The following KIF27 variants were observed in gnomAD, a reference collection of about 807,000 sequenced individuals.
KIF27 encodes the protein kinesin family member 27, also known as kinesin-like protein KIF27.
Under a neutral mutation model 141.8 loss-of-function variants are expected in KIF27, and 84 were observed. The ratio of observed to expected loss-of-function variants is 0.59; its 90% CI spans 0.50 to 0.71. The LOEUF (loss-of-function observed/expected upper bound fraction) is 0.71, where lower values mean the gene tolerates loss of function less well. Among genes scored for constraint, KIF27 ranks in the 30% least tolerant of loss-of-function variants. The pLI is 0.00. For missense variants in KIF27, 1,306 were observed against 1,628.4 expected, an observed-to-expected ratio of 0.80 and a Z score of 3.41; for synonymous variants, 471 against 569.5, an observed-to-expected ratio of 0.83 and a Z score of 2.46.
intron 2 of KIF27, among the ~76,000 whole-genome samples, chr9:83,912,025 A>G (rs1955218185): frequency 6.6e-6 from 1 of 152,214 alleles, no homozygotes; most frequent in South Asian, 2.1e-4. Context: ...TACACTTGAA[A>G]GTAGTTAAAA....
intron 11 of KIF27, among the ~76,000 whole-genome samples, chr9:83,874,001 G>A (rs1305287522): frequency 4.0e-5 from 6 of 151,294 alleles, no homozygotes; most frequent in African/African-American, 9.7e-5. Flanking sequence ...GCAGTGAGAC[G>A]AGATCACACC....
In KIF27 at chr9:83,835,819, G is replaced by GT. The variant is rs903701311; in HGVS notation, c.*1181dup. On this transcript the variant is annotated 3_prime_UTR_variant, in exon 18 of 18. Coordinates refer to ENST00000297814, the MANE Select transcript of KIF27 (RefSeq NM_017576.4). ...ACAGCCCCCAACAAAACATTAATTA[G>GT]TTTAAGAAACTCAACTTCGGTTTAC... The GT allele has an allele frequency of 6.6e-6, 1 of 152,202 alleles. No homozygotes were observed. The highest frequency in any genetic ancestry group is 2.4e-5 in the African/African-American group (1 of 41,440). The allele number at this position is 152,202 out of a possible 1,614,324, so 9.4% of individuals were successfully genotyped here. A position where few individuals can be genotyped will look rare whatever the true frequency, so the allele number is the denominator to read the frequency against.
Position 83,837,061 on chromosome 9 carries a change from A to G in KIF27, c.4146T>C (p.Ile1382=). ...SLRRSSLGVG[I]GSMAADSIEV... ...CGATGGAATCAGCAGCCATTGATCC[A>G]ATGCCAACTCCAAGACTGGAACGTC... Residue 1382 remains isoleucine, a synonymous_variant, in exon 18 of 18, where the codon ATT becomes ATC. Transcript: ENST00000297814. 6.2e-7 allele frequency: 1 copy of G among 1,613,996 alleles called. No individual in the cohort carries two copies. Among genetic ancestry groups the G allele is most frequent in the Non-Finnish European group, 8.5e-7 (1 of 1,179,870 alleles).
intron 14 of KIF27, among the ~76,000 whole-genome samples, chr9:83,856,189 G>A (rs1949179590): frequency 6.6e-6 from 1 of 152,150 alleles, no homozygotes; most frequent in Admixed American, 6.5e-5. Flanking sequence ...CTTGGGGCCT[G>A]AGGATCTGCA....
intron 13 of KIF27, among the ~76,000 whole-genome samples, chr9:83,864,025 C>A (rs1327818068): frequency 6.6e-6 from 1 of 151,830 alleles, no homozygotes; most frequent in Non-Finnish European, 1.5e-5. Context: ...TGGTGATATC[C>A]CCTTTATCAT....
chr9:83,900,116 A>G (rs924600782), intron 4 of KIF27, among the ~76,000 whole-genome samples: 1 of 152,206 alleles, frequency 6.6e-6, no homozygotes, highest in African/African-American at 2.4e-5. Flanking sequence ...TAGAACTGCT[A>G]TGAGATTTTA....
In KIF27 at chr9:83,903,869, G is replaced by C; in HGVS notation, c.649C>G (p.Gln217Glu). The C allele has an allele frequency of 1.9e-6, 3 of 1,614,070 alleles. No homozygotes were observed. Among genetic ancestry groups the C allele is most frequent in the Non-Finnish European group, 2.5e-6 (3 of 1,180,008 alleles). ...SHAIFTISIC[Q>E]VHKNMEAAED... ...GCTGCCTCCATATTTTTATGAACTT[G>C]ACAAATGCTGATTGTAAAAATTGCA... Residue 217 changes from glutamine to glutamate, a missense_variant, in exon 4 of 18, where the codon CAA becomes GAA. Physicochemically the swap from Gln to Glu is conservative, Grantham distance 29 (BLOSUM62 2). Transcript: ENST00000297814.
intron 14 of KIF27, among the ~76,000 whole-genome samples, chr9:83,857,535 T>C (rs781400920): frequency 2.8e-4 from 43 of 152,228 alleles, no homozygotes; most frequent in Non-Finnish European, 5.1e-4. Context: ...ATAGGTATCA[T>C]GCGCCATACT....
In KIF27 at chr9:83,883,819, T is replaced by C. The variant is rs1160891774; in HGVS notation, c.2439A>G (p.Arg813=). ...ATTACATTTTTTAAATTACCTGAAC[T>C]CTCAGCTTTGCAGCATCCATCTTTT... ...FRKKMDAAKL[R]VQVLQKKQQD... The change falls in exon 10 of 18, where the codon AGA becomes AGG. Residue 813 remains arginine (R), a synonymous_variant. Transcript: ENST00000297814. The C allele has an allele frequency of 6.2e-7, 1 of 1,606,704 alleles. No individual in the cohort carries two copies. The highest frequency in any genetic ancestry group is 1.3e-5 in the African/African-American group (1 of 74,886).
intron 1 of KIF27, among the ~76,000 whole-genome samples, chr9:83,921,158 C>A (rs569500306): frequency 2.6e-4 from 39 of 152,182 alleles, no homozygotes; most frequent in Middle Eastern, 3.4e-3. Context: ...CGACCCCAGA[C>A]CCCTCGGACG....
At position 83,887,103 on chromosome 9, in the gene KIF27, A is replaced by G. The variant is rs1247329101; in HGVS notation, c.2177T>C (p.Met726Thr). ...ERILTEAKQK[M>T]RELTINIKMK... ...CTTGATGTTAATTGTAAGTTCTCTC[A>G]TTTTTTGTTTAGCTTCAGTAAGTAT... The change falls in exon 9 of 18, where the codon ATG (methionine) becomes ACG (threonine). Residue 726 changes from methionine to threonine, a missense_variant. Coordinates refer to ENST00000297814, the MANE Select transcript of KIF27 (RefSeq NM_017576.4). 1.2e-6 allele frequency: 2 copies of G among 1,601,504 alleles called. No individual in the cohort carries two copies. The highest frequency in any genetic ancestry group is 1.1e-5 in the South Asian group (1 of 87,798).
rs1261605479 is a variant in KIF27, at chr9:83,902,941, C to T, written c.1458+119G>A. 3.5e-5 allele frequency: 20 copies of T among 577,556 alleles called. No homozygotes were observed. In the South Asian group the frequency reaches 6.8e-4, roughly 20 times the overall value. The allele number at this position is 577,556 out of a possible 1,614,324, so 35.8% of individuals were successfully genotyped here. ...ATTTACTTGCCCAAATAAATTTAGT[C>T]CTTAAAAGAGTTATCCATAACAATG... On this transcript the variant is annotated intron_variant, in intron 4 of 17. Transcript: ENST00000297814.
chr9:83,887,594 G>A (rs1952227746), intron 8 of KIF27, among the ~76,000 whole-genome samples: 1 of 152,130 alleles, frequency 6.6e-6, no homozygotes, highest in Non-Finnish European at 1.5e-5. Context: ...TACTCAGAGT[G>A]TGGTCTAGCA....
chr9:83,884,943 T>C (rs1951968738), intron 9 of KIF27, among the ~76,000 whole-genome samples: 1 of 152,218 alleles, frequency 6.6e-6, no homozygotes, highest in African/African-American at 2.4e-5. Context: ...TTTCTATATC[T>C]CTTGATTCTA....
intron 2 of KIF27, among the ~76,000 whole-genome samples, chr9:83,909,611 CAAA>C (rs535947964): frequency 4.3e-5 from 3 of 70,500 alleles, no homozygotes; most frequent in Non-Finnish European, 5.8e-5. Flanking sequence ...GAAACTGTCT[CAAA>C]AAAAAAAAAA....
intron 5 of KIF27, among the ~76,000 whole-genome samples, chr9:83,892,921 G>T (rs1169107894): frequency 6.6e-6 from 1 of 152,152 alleles, no homozygotes; most frequent in Non-Finnish European, 1.5e-5. Context: ...AGCACTTCAG[G>T]GAGAAATAAG....
chr9:83,907,089 G>C (rs1183318718), intron 3 of KIF27, among the ~76,000 whole-genome samples: 1 of 151,838 alleles, frequency 6.6e-6, no homozygotes, highest in East Asian at 1.9e-4. Flanking sequence ...AGGAGATCAA[G>C]ACAATCCTGG....
intron 10 of KIF27, among the ~76,000 whole-genome samples, chr9:83,882,773 G>A (rs1037510269): frequency 6.6e-6 from 1 of 152,208 alleles, no homozygotes; most frequent in African/African-American, 2.4e-5. Context: ...GAATTCCAAA[G>A]TGGAAATAAC....
intron 2 of KIF27, among the ~76,000 whole-genome samples, chr9:83,910,436 T>C (rs1247738421): frequency 2.0e-5 from 3 of 152,184 alleles, no homozygotes; most frequent in African/African-American, 4.8e-5. Flanking sequence ...TTCATTTACG[T>C]TGGCAAGAAT....
Sources: gnomAD v4.1 joint callset for allele counts (sites outside exome capture counted in the v4.1 genomes callset) on GRCh38, gnomAD v4.1.1 for gene constraint, MANE v1.5 for transcripts, NCBI Gene and HGNC (gene_info 2026-07-23, HGNC 2026-07-21) for gene names.